Variants in CACNB4 observed in about 807,000 individuals in gnomAD.
CACNB4 encodes the protein calcium voltage-gated channel auxiliary subunit beta 4, also known as voltage-dependent L-type calcium channel subunit beta-4.
In CACNB4, 32 loss-of-function variants were observed where a neutral mutation model predicts 71.2. That is an observed-to-expected ratio of 0.45 (90% CI 0.34 to 0.60). The LOEUF is 0.60. Among genes scored for constraint, CACNB4 ranks in the 20% least tolerant of loss-of-function variants. The pLI is 0.01. For synonymous variants in CACNB4, 231 were observed against 236.9 expected (o/e 0.97, Z 0.23); for missense variants, 464 against 647.9 (o/e 0.72, Z 3.08).
chr2:152,065,762 T>G (rs915048646), intron 2 of CACNB4, among the ~76,000 whole-genome samples: 1 of 152,150 alleles, frequency 6.6e-6, no homozygotes, highest in Non-Finnish European at 1.5e-5. Flanking sequence ...GGGGGTAATT[T>G]TTTTAAGATG....
At chr2:152,090,648 AAAAAAAAG>A (rs1462553611) in intron 2 of CACNB4, among the ~76,000 whole-genome samples, 3 of 151,834 alleles carry the variant, frequency 2.0e-5, no homozygotes, top group Non-Finnish European at 4.4e-5. Flanking sequence ...CATCTCAAAA[AAAAAAAAG>A]AAAAAAAGAA....
At chr2:151,940,838 C>G (rs889939811) in intron 2 of CACNB4, among the ~76,000 whole-genome samples, 3 of 152,166 alleles carry the variant, frequency 2.0e-5, no homozygotes, top group African/African-American at 4.8e-5. Context: ...CTATAGTGCT[C>G]TTCTTTTAGG....
chr2:152,064,196 A>AT (rs1686172239), intron 2 of CACNB4, among the ~76,000 whole-genome samples: 1 of 152,240 alleles, frequency 6.6e-6, no homozygotes, highest in Non-Finnish European at 1.5e-5. Flanking sequence ...GTTGAAGTGC[A>AT]TGAAGGGAGC....
intron 2 of CACNB4, among the ~76,000 whole-genome samples, chr2:152,056,058 T>C (rs892134669): frequency 6.6e-6 from 1 of 152,114 alleles, no homozygotes; most frequent in Non-Finnish European, 1.5e-5. Context: ...ACCCGCAAGA[T>C]TTTTTAGAAA....
At chr2:152,073,132 T>C (rs1686792471) in intron 2 of CACNB4, among the ~76,000 whole-genome samples, 1 of 152,122 alleles carries the variant, frequency 6.6e-6, no homozygotes, top group African/African-American at 2.4e-5. Context: ...CAGGGAGCAA[T>C]ATATCACAAA....
chr2:152,082,973 C>T (rs1266593255), intron 2 of CACNB4, among the ~76,000 whole-genome samples: 1 of 152,124 alleles, frequency 6.6e-6, no homozygotes, highest in Non-Finnish European at 1.5e-5. Flanking sequence ...ATATCTAACT[C>T]ATGAAGTGAC....
intron 2 of CACNB4, among the ~76,000 whole-genome samples, chr2:151,908,097 TG>T (rs2099855247): frequency 6.6e-6 from 1 of 152,188 alleles, no homozygotes; most frequent in Admixed American, 6.5e-5. Context: ...TAAGAGTCTC[TG>T]CTGCTGTCAA....
intron 2 of CACNB4, among the ~76,000 whole-genome samples, chr2:151,991,144 G>A (rs1681682380): frequency 6.6e-6 from 1 of 152,178 alleles, no homozygotes. Flanking sequence ...CTCCCATCAA[G>A]CTAGCAGTGA....
chr2:151,941,292 T>TC (rs1311159477), intron 2 of CACNB4, among the ~76,000 whole-genome samples: 1 of 149,778 alleles, frequency 6.7e-6, no homozygotes, highest in African/African-American at 2.5e-5. Context: ...TTTTTTTTTT[T>TC]TTTTTTTTAG....
chr2:152,017,060 C>A (rs1021455267), intron 2 of CACNB4, among the ~76,000 whole-genome samples: 2 of 144,958 alleles, frequency 1.4e-5, no homozygotes, highest in Non-Finnish European at 2.9e-5. Context: ...CTTCTCCAGG[C>A]ATTTCATCTT....
intron 2 of CACNB4, among the ~76,000 whole-genome samples, chr2:151,966,690 T>C (rs1483219864): frequency 1.1e-4 from 16 of 152,278 alleles, no homozygotes; most frequent in East Asian, 1.9e-4. Flanking sequence ...TCAACCACTA[T>C]AAGATTGTTG....
At chr2:151,950,902 T>C (rs1177755639) in intron 2 of CACNB4, among the ~76,000 whole-genome samples, 2 of 152,196 alleles carry the variant, frequency 1.3e-5, no homozygotes, top group African/African-American at 2.4e-5. Context: ...GGTCAGACAA[T>C]ATTCTAAATG....
chr2:152,030,727 T>C (rs993117568), intron 2 of CACNB4, among the ~76,000 whole-genome samples: 1 of 152,246 alleles, frequency 6.6e-6, no homozygotes, highest in African/African-American at 2.4e-5. Context: ...AATAGTTTGC[T>C]GAGAATGATG....
At chr2:151,937,525 A>C (rs1016961437) in intron 2 of CACNB4, among the ~76,000 whole-genome samples, 5 of 152,218 alleles carry the variant, frequency 3.3e-5, no homozygotes, top group African/African-American at 1.2e-4. Flanking sequence ...GCTTTTGCAT[A>C]TTATGGATAA....
At position 151,834,071 on chromosome 2, in the gene CACNB4, G is replaced by C. The variant is rs927645234; in HGVS notation, c.*5048C>G. 5.9e-5 allele frequency: 9 copies of C among 152,028 alleles called. No individual in the cohort carries two copies. The highest frequency in any genetic ancestry group is 1.2e-4 in the Non-Finnish European group (8 of 67,896). The allele number at this position is 152,028 out of a possible 1,614,324, so 9.4% of individuals were successfully genotyped here. ...TAAAAGTCAAAGTGGCATGCAAGTA[G>C]GGCAAGGGTGGCCCCTACATAAATA... is the stretch of plus-strand genomic sequence containing the variant. On this transcript the variant is annotated 3_prime_UTR_variant, in exon 14 of 14. Transcript: ENST00000539935.
chr2:151,890,713 G>C (rs1411261368), intron 2 of CACNB4, among the ~76,000 whole-genome samples: 1 of 152,180 alleles, frequency 6.6e-6, no homozygotes, highest in East Asian at 1.9e-4. Context: ...AATTTACAAT[G>C]ATAGACGTAT....
At chr2:151,953,778 C>T (rs1421803517) in intron 2 of CACNB4, among the ~76,000 whole-genome samples, 1 of 152,180 alleles carries the variant, frequency 6.6e-6, no homozygotes, top group Non-Finnish European at 1.5e-5. Flanking sequence ...TAAGAGTTAT[C>T]ATCTCTAGCA....
At position 152,030,987 on chromosome 2, in the gene CACNB4, C is replaced by T. The variant is rs543059131; in HGVS notation, c.147+67343G>A. 1.5e-4 allele frequency among the ~76,000 whole-genome samples: 23 copies of T among 152,256 alleles called. 1 individual carries two copies. Among genetic ancestry groups the T allele is most frequent in the African/African-American group, 2.2e-4 (9 of 41,536 alleles). On this transcript the variant is annotated intron_variant, in intron 2 of 13. Coordinates refer to ENST00000539935, the MANE Select transcript of CACNB4 (RefSeq NM_000726.5). ...CCTCAGCCCTGGGCAGAAAACACAG[C>T]AGTAACAGGGAAGTGGATACAAGCA...
rs963521874 is a variant in CACNB4 at position 151,860,441 on chromosome 2, T to A, written c.868+270A>T. ...AGCAAAGTGGAGATGACTGGTTTCA[T>A]GTAGTTAGGCAGGAAAAGACTAGGA... On this transcript the variant is annotated intron_variant, in intron 10 of 13. Transcript: ENST00000539935. The A allele has an allele frequency of 3.0e-5, 14 of 468,756 alleles. No homozygotes were observed. In the Admixed American group the frequency reaches 4.1e-4, roughly 14 times the overall value. The allele number at this position is 468,756 out of a possible 1,614,324, so 29.0% of individuals were successfully genotyped here.
Sources: gnomAD v4.1 joint callset for allele counts (sites outside exome capture counted in the v4.1 genomes callset) on GRCh38, gnomAD v4.1.1 for gene constraint, MANE v1.5 for transcripts, NCBI Gene and HGNC (gene_info 2026-07-23, HGNC 2026-07-21) for gene names.